CCDC178: variants seen among roughly 807,000 people sequenced by gnomAD.
The protein encoded by CCDC178 is coiled-coil domain-containing protein 178.
In CCDC178, 126 loss-of-function variants were observed where a neutral mutation model predicts 117.4. The observed-to-expected ratio is 1.07, with a 90% CI of 0.93 to 1.24. CCDC178 has a LOEUF of 1.24. Ranked by LOEUF, CCDC178 falls within the 50% of genes most tolerant of loss-of-function variation. The probability of loss-of-function intolerance (pLI) is 0.00; values close to 1 mark genes in which losing one functional copy is unlikely to be tolerated. For missense variants in CCDC178, 1,030 were observed against 986.9 expected, an observed-to-expected ratio of 1.04 and a Z score of -0.59; for synonymous variants, 283 against 313.4, an observed-to-expected ratio of 0.90 and a Z score of 1.02.
intron 21 of CCDC178, among the ~76,000 whole-genome samples, chr18:33,076,502 G>A (rs1453009454): frequency 6.6e-6 from 1 of 152,138 alleles, no homozygotes; most frequent in Non-Finnish European, 1.5e-5. Flanking sequence ...CTAATTATCA[G>A]CACTCCGTAT....
At chr18:33,073,430 A>G (rs2057144271) in intron 21 of CCDC178, among the ~76,000 whole-genome samples, 1 of 152,090 alleles carries the variant, frequency 6.6e-6, no homozygotes. Flanking sequence ...TCTATCATAT[A>G]CTCAGACAAT....
At chr18:33,332,796 T>C (rs2062686752) in intron 10 of CCDC178, among the ~76,000 whole-genome samples, 1 of 152,120 alleles carries the variant, frequency 6.6e-6, no homozygotes, top group Non-Finnish European at 1.5e-5. Flanking sequence ...GTATGTTTAG[T>C]AGACATGGGG....
At chr18:32,988,077 CAAAATA>C (rs2055301464) in intron 21 of CCDC178, among the ~76,000 whole-genome samples, 2 of 55,472 alleles carry the variant, frequency 3.6e-5, no homozygotes, top group Non-Finnish European at 7.3e-5. Flanking sequence ...AAATCCGTCT[CAAAATA>C]ATAATAATAA....
At chr18:33,092,199 T>C (rs1243585290) in intron 21 of CCDC178, among the ~76,000 whole-genome samples, 1 of 152,188 alleles carries the variant, frequency 6.6e-6, no homozygotes, top group Non-Finnish European at 1.5e-5. Context: ...TATAACACTC[T>C]AGTAATAGAA....
chr18:33,153,967 C>T lies in CCDC178; in HGVS notation c.2238+57929G>A, dbSNP rs538974087. Among the ~76,000 whole-genome samples the T allele has an allele frequency of 5.3e-4, 81 of 151,708 alleles. 1 individual carries two copies. Among genetic ancestry groups the T allele is most frequent in the Non-Finnish European group, 6.6e-4 (45 of 67,928 alleles). ...AATGATTTTGTATCACTATATATAA[C>T]GAGAAAAGACGTAATATTGGTTTAC... On this transcript the variant is annotated intron_variant, in intron 20 of 22. Coordinates refer to ENST00000383096, the MANE Select transcript of CCDC178 (RefSeq NM_001105528.4).
chr18:33,063,335 T>C (rs2056960062), intron 21 of CCDC178, among the ~76,000 whole-genome samples: 1 of 152,176 alleles, frequency 6.6e-6, no homozygotes, highest in African/African-American at 2.4e-5. Flanking sequence ...CTAGCACCCA[T>C]GCATACCTTC....
intron 19 of CCDC178, among the ~76,000 whole-genome samples, chr18:33,212,632 T>C (rs1252416374): frequency 3.3e-5 from 5 of 152,026 alleles, no homozygotes; most frequent in Non-Finnish European, 7.4e-5. Context: ...TGTAAGATGA[T>C]GCATTTTTTA....
At chr18:33,197,239 G>A (rs566754074) in intron 20 of CCDC178, among the ~76,000 whole-genome samples, 11 of 152,094 alleles carry the variant, frequency 7.2e-5, no homozygotes, top group Non-Finnish European at 1.3e-4. Flanking sequence ...ATGTTGCTTC[G>A]GCTGGTCTCA....
At chr18:33,382,089 A>G (rs1394914908) in intron 5 of CCDC178, among the ~76,000 whole-genome samples, 1 of 152,204 alleles carries the variant, frequency 6.6e-6, no homozygotes, top group African/African-American at 2.4e-5. Flanking sequence ...TCCACTGGAC[A>G]TACACAGATG....
intron 21 of CCDC178, among the ~76,000 whole-genome samples, chr18:33,036,555 T>C (rs1011358921): frequency 6.6e-6 from 1 of 151,818 alleles, no homozygotes; most frequent in African/African-American, 2.4e-5. Flanking sequence ...ACTAGGAGTA[T>C]AGAAATCTGA....
intron 2 of CCDC178, among the ~76,000 whole-genome samples, chr18:33,413,776 C>G (rs1235883081): frequency 6.6e-6 from 1 of 152,092 alleles, no homozygotes; most frequent in Non-Finnish European, 1.5e-5. Context: ...ACTTTGGAAA[C>G]AGAAGATGGA....
At chr18:33,268,033 T>G (rs533158442) in intron 12 of CCDC178, among the ~76,000 whole-genome samples, 1 of 151,784 alleles carries the variant, frequency 6.6e-6, no homozygotes, top group South Asian at 2.1e-4. Flanking sequence ...AAATCAAGTT[T>G]CACATGAAAA....
intron 9 of CCDC178, among the ~76,000 whole-genome samples, chr18:33,342,592 C>G (rs887183072): frequency 3.9e-5 from 6 of 152,126 alleles, no homozygotes; most frequent in Admixed American, 3.9e-4. Context: ...CTTTTGTATT[C>G]TTGCCATTTG....
chr18:33,209,117 T>C (rs544945253), intron 20 of CCDC178, among the ~76,000 whole-genome samples: 2 of 152,186 alleles, frequency 1.3e-5, no homozygotes, highest in East Asian at 3.9e-4. Flanking sequence ...TAGCTAGAGC[T>C]ACAGTCCTCT....
At chr18:33,200,681 G>C (rs940269372) in intron 20 of CCDC178, among the ~76,000 whole-genome samples, 3 of 152,094 alleles carry the variant, frequency 2.0e-5, no homozygotes, top group African/African-American at 7.2e-5. Context: ...CACTTTCCAA[G>C]ATTTAGTTCT....
rs1436348203 is a variant in CCDC178, at chr18:33,179,097, ATATATATATATAAAC to A, written c.2238+32784_2238+32798del. 1.4e-4 allele frequency among the ~76,000 whole-genome samples: 14 copies of A among 100,938 alleles called. 1 individual carries two copies. Among genetic ancestry groups the A allele is most frequent in the African/African-American group, 5.5e-4 (10 of 18,184 alleles). The allele number at this position is 100,938 out of a possible 152,430, so 66.2% of individuals were successfully genotyped here. Reference sequence around the variant, plus strand: ...AAAAAAAATATATATATATATATATATATATATATATAAACTATATATATATATATAAACTATATA... The same window carrying A: ...AAAAAAAATATATATATATATATATATATATATATATATATAAACTATATA... On this transcript the variant is annotated intron_variant, in intron 20 of 22. Coordinates refer to ENST00000383096, the MANE Select transcript of CCDC178 (RefSeq NM_001105528.4).
chr18:33,141,610 T>C (rs1041638509), intron 20 of CCDC178, among the ~76,000 whole-genome samples: 6 of 152,232 alleles, frequency 3.9e-5, no homozygotes, highest in African/African-American at 1.4e-4. Context: ...ATTTGGGATA[T>C]TTTGTTTTAG....
chr18:33,009,799 G>C (rs1330605485), intron 21 of CCDC178, among the ~76,000 whole-genome samples: 4 of 152,102 alleles, frequency 2.6e-5, no homozygotes, highest in Admixed American at 2.6e-4. Context: ...TTGAATAAAG[G>C]ATGGTGTCTC....
chr18:32,958,325 C>A, intron 22 of CCDC178: 1 of 370,082 alleles, frequency 2.7e-6, no homozygotes, highest in South Asian at 5.2e-5. Context: ...GTTATTCACA[C>A]TAGGTTTCTG....
Sources: gnomAD v4.1 joint callset for allele counts (sites outside exome capture counted in the v4.1 genomes callset) on GRCh38, gnomAD v4.1.1 for gene constraint, MANE v1.5 for transcripts, NCBI Gene and HGNC (gene_info 2026-07-23, HGNC 2026-07-21) for gene names.